The following STPG2 variants were observed in gnomAD, a reference collection of about 807,000 sequenced individuals.
STPG2 encodes the protein sperm tail PG-rich repeat containing 2.
STPG2 carries 56 observed loss-of-function variants against 54.2 expected under a neutral mutation model. The ratio of observed to expected loss-of-function variants is 1.03; its 90% CI spans 0.83 to 1.29. STPG2 has a LOEUF of 1.29. Among genes scored for constraint, STPG2 ranks in the 50% most tolerant of loss-of-function variants. The probability of loss-of-function intolerance (pLI) is 0.00; values close to 1 mark genes in which losing one functional copy is unlikely to be tolerated. For synonymous variants in STPG2, 200 were observed against 181.8 expected, an observed-to-expected ratio of 1.10 and a Z score of -0.81; for missense variants, 596 against 544.9, an observed-to-expected ratio of 1.09 and a Z score of -0.93.
intron 9 of STPG2, among the ~76,000 whole-genome samples, chr4:97,781,562 A>G (rs941255301): frequency 6.6e-6 from 1 of 152,180 alleles, no homozygotes; most frequent in Admixed American, 6.5e-5. Flanking sequence ...AAAAGAAGAA[A>G]TCCTCCCTAA....
intron 10 of STPG2, among the ~76,000 whole-genome samples, chr4:97,585,118 A>C (rs1407426454): frequency 2.1e-5 from 3 of 139,626 alleles, no homozygotes; most frequent in Admixed American, 6.9e-5. Context: ...AAAAAAAAAA[A>C]AAAAAACAAA....
At chr4:97,729,857 T>C (rs1326546380) in intron 9 of STPG2, among the ~76,000 whole-genome samples, 1 of 152,150 alleles carries the variant, frequency 6.6e-6, no homozygotes, top group Non-Finnish European at 1.5e-5. Context: ...TAAATGGGAT[T>C]TTTTTGCTTG....
At chr4:98,108,037 A>G (rs182464727) in intron 4 of STPG2, among the ~76,000 whole-genome samples, 111 of 152,282 alleles carry the variant, frequency 7.3e-4, no homozygotes, top group Admixed American at 1.1e-3. Context: ...AGAGTGAAAA[A>G]GTGAACAGCA....
At chr4:97,927,417 C>T (rs1732374708) in intron 8 of STPG2, among the ~76,000 whole-genome samples, 1 of 152,018 alleles carries the variant, frequency 6.6e-6, no homozygotes. Context: ...TCTTCTACTG[C>T]CTTTCCCACT....
intron 10 of STPG2, among the ~76,000 whole-genome samples, chr4:97,633,268 T>G (rs531686002): frequency 2.0e-5 from 3 of 152,268 alleles, no homozygotes; most frequent in Non-Finnish European, 4.4e-5. Flanking sequence ...AATTTTTCAG[T>G]TTTTATTGAC....
intron 5 of STPG2, among the ~76,000 whole-genome samples, chr4:98,055,704 C>G (rs1737460449): frequency 6.6e-6 from 1 of 152,148 alleles, no homozygotes; most frequent in Non-Finnish European, 1.5e-5. Flanking sequence ...AGCCATCCCT[C>G]TAGGCTTGAT....
chr4:97,760,781 T>C, intron 9 of STPG2, among the ~76,000 whole-genome samples: 1 of 152,236 alleles, frequency 6.6e-6, no homozygotes, highest in East Asian at 1.9e-4. Context: ...ACAAGACAAA[T>C]TTGTTATCTT....
intron 9 of STPG2, among the ~76,000 whole-genome samples, chr4:97,749,657 C>T (rs1450765507): frequency 1.3e-5 from 2 of 151,654 alleles, no homozygotes; most frequent in South Asian, 4.2e-4. Flanking sequence ...GTCCTGTGTA[C>T]AGTTATTAAT....
chr4:97,801,393 C>T (rs1255992569), intron 9 of STPG2, among the ~76,000 whole-genome samples: 2 of 152,178 alleles, frequency 1.3e-5, no homozygotes, highest in African/African-American at 2.4e-5. Context: ...TTCCTACTTC[C>T]CCTTTCATCC....
At chr4:97,570,579 C>T (rs1578397144) in intron 10 of STPG2, among the ~76,000 whole-genome samples, 1 of 151,530 alleles carries the variant, frequency 6.6e-6, no homozygotes, top group Non-Finnish European at 1.5e-5. Context: ...TTTTTCCTGC[C>T]CCCACTCCCA....
chr4:97,886,090 A>C (rs1017431758), intron 8 of STPG2, among the ~76,000 whole-genome samples: 37 of 152,314 alleles, frequency 2.4e-4, no homozygotes, highest in African/African-American at 6.7e-4. Context: ...TAGAATACAT[A>C]CTAATACTTA....
At chr4:97,971,811 C>CAAAAT (rs1454090776) in intron 7 of STPG2, among the ~76,000 whole-genome samples, 1 of 151,820 alleles carries the variant, frequency 6.6e-6, no homozygotes. Context: ...AAAAAATAAA[C>CAAAAT]AAAATAAAAT....
At chr4:97,788,112 T>G (rs1432067544) in intron 9 of STPG2, among the ~76,000 whole-genome samples, 1 of 151,960 alleles carries the variant, frequency 6.6e-6, no homozygotes, top group Non-Finnish European at 1.5e-5. Flanking sequence ...ATTTTAAAAG[T>G]GTACAATACA....
intron 9 of STPG2, among the ~76,000 whole-genome samples, chr4:97,763,562 G>T (rs1725951754): frequency 6.6e-6 from 1 of 152,090 alleles, no homozygotes; most frequent in South Asian, 2.1e-4. Flanking sequence ...AAATATTCCA[G>T]TTTGGCCAGG....
At chr4:97,955,870 A>C (rs982485112) in intron 7 of STPG2, among the ~76,000 whole-genome samples, 1 of 152,208 alleles carries the variant, frequency 6.6e-6, no homozygotes. Context: ...ACCAGCCTAA[A>C]AATCTATACT....
At chr4:98,022,742 T>A (rs573531332) in intron 5 of STPG2, among the ~76,000 whole-genome samples, 1 of 152,302 alleles carries the variant, frequency 6.6e-6, no homozygotes, top group Non-Finnish European at 1.5e-5. Flanking sequence ...TCTCTAAACT[T>A]CCCTTCTTGC....
intron 5 of STPG2, among the ~76,000 whole-genome samples, chr4:98,087,205 A>G (rs934760233): frequency 1.3e-5 from 2 of 151,068 alleles, no homozygotes; most frequent in Admixed American, 6.6e-5. Flanking sequence ...AAAATATGCT[A>G]TCCAACATGT....
chr4:97,547,696 G>A (rs1264456807), intron 4 of STPG2, among the ~76,000 whole-genome samples: 1 of 152,152 alleles, frequency 6.6e-6, no homozygotes, highest in Non-Finnish European at 1.5e-5. Context: ...GATAGAAGCA[G>A]ACAAACTAGA....
At chr4:97,884,022 T>C (rs184151258) in intron 8 of STPG2, among the ~76,000 whole-genome samples, 28 of 152,174 alleles carry the variant, frequency 1.8e-4, no homozygotes, top group Admixed American at 1.6e-3. Context: ...GGAGAAGTGC[T>C]CTGCACACTC....
Sources: allele counts gnomAD v4.1 joint callset (sites outside exome capture counted in the v4.1 genomes callset), GRCh38; gene constraint gnomAD v4.1.1; transcripts MANE v1.5; gene names NCBI Gene and HGNC (gene_info 2026-07-23, HGNC 2026-07-21).